Variants in NLGN4X observed in about 807,000 individuals in gnomAD.
The protein encoded by NLGN4X is neuroligin-4, X-linked.
A neutral mutation model predicts 40.3 loss-of-function variants in NLGN4X; 3 were observed. That is an observed-to-expected ratio of 0.07 (90% CI 0.03 to 0.19). The LOEUF is 0.19. NLGN4X is among the 10% of genes least tolerant of loss of function. NLGN4X has a pLI of 1.00. For missense variants in NLGN4X, 382 were observed against 708.3 expected, an observed-to-expected ratio of 0.54 and a Z score of 5.23; for synonymous variants, 270 against 306.8, an observed-to-expected ratio of 0.88 and a Z score of 1.25.
chrX:6,205,649 A>G (rs1923970155), intron 1 of NLGN4X, among the ~76,000 whole-genome samples: 1 of 112,127 alleles, frequency 8.9e-6, no homozygotes, highest in Non-Finnish European at 1.9e-5. Context: ...TGCAGTTCCT[A>G]TTTCCTGAGA....
At chrX:6,078,517 T>C (rs1410999025) in intron 2 of NLGN4X, among the ~76,000 whole-genome samples, 1 of 111,376 alleles carries the variant, frequency 9.0e-6, no homozygotes, top group Non-Finnish European at 1.9e-5. Context: ...GCCAGGTTGG[T>C]TGCACTGGGG....
intron 3 of NLGN4X, among the ~76,000 whole-genome samples, chrX:5,982,392 C>A (rs4483302): frequency 9.1e-6 from 1 of 110,292 alleles, no homozygotes; most frequent in African/African-American, 3.3e-5. Flanking sequence ...AATAAAGTCA[C>A]AATTCTTTGA....
intron 2 of NLGN4X, among the ~76,000 whole-genome samples, chrX:6,054,644 A>C (rs2037574640): frequency 9.0e-6 from 1 of 110,600 alleles, no homozygotes; most frequent in Non-Finnish European, 1.9e-5. Flanking sequence ...AAATAAAATC[A>C]ACAGTCAAAG....
At chrX:6,092,310 C>T (rs964610084) in intron 2 of NLGN4X, among the ~76,000 whole-genome samples, 1 of 112,221 alleles carries the variant, frequency 8.9e-6, no homozygotes, top group African/African-American at 3.2e-5. Flanking sequence ...TTATGTAACA[C>T]ACCCATAGTA....
chrX:6,020,951 C>G (rs2036513666), intron 3 of NLGN4X, among the ~76,000 whole-genome samples: 1 of 107,694 alleles, frequency 9.3e-6, no homozygotes, highest in South Asian at 4.3e-4. Flanking sequence ...AGCTGAGACA[C>G]CAGGCATACA....
At chrX:5,995,967 A>T (rs934148154) in intron 3 of NLGN4X, among the ~76,000 whole-genome samples, 5 of 111,796 alleles carry the variant, frequency 4.5e-5, no homozygotes, top group African/African-American at 9.7e-5. Flanking sequence ...TAAATATGAA[A>T]CCTAGAGCCC....
chrX:6,025,935 ATTT>A (rs1451247322), intron 3 of NLGN4X, among the ~76,000 whole-genome samples: 1 of 109,798 alleles, frequency 9.1e-6, no homozygotes, highest in Non-Finnish European at 1.9e-5. Context: ...GAAAAAAGTT[ATTT>A]TTTTATTGAC....
intron 3 of NLGN4X, among the ~76,000 whole-genome samples, chrX:5,966,348 G>T (rs780247103): frequency 2.7e-5 from 3 of 112,191 alleles, no homozygotes; most frequent in Non-Finnish European, 5.6e-5. Flanking sequence ...TAAACACTTA[G>T]TAAATTCATC....
intron 3 of NLGN4X, among the ~76,000 whole-genome samples, chrX:5,980,191 A>ATGTC (rs201557816): frequency 0.067 from 7,189 of 107,550 alleles, 610 homozygotes; most frequent in African/African-American, 0.23. Flanking sequence ...CTATACATAT[A>ATGTC]TGTCTAATAC....
At chrX:6,202,185 T>G (rs1395826144) in intron 1 of NLGN4X, among the ~76,000 whole-genome samples, 3 of 110,171 alleles carry the variant, frequency 2.7e-5, no homozygotes, top group Non-Finnish European at 5.7e-5. Flanking sequence ...GCTAGACAAC[T>G]GAGGGGATGC....
intron 3 of NLGN4X, among the ~76,000 whole-genome samples, chrX:5,951,744 T>C (rs1601940604): frequency 9.0e-6 from 1 of 110,843 alleles, no homozygotes; most frequent in African/African-American, 3.3e-5. Context: ...TTTATAATGG[T>C]AGGAATTCCA....
intron 2 of NLGN4X, among the ~76,000 whole-genome samples, chrX:6,046,084 A>G (rs1216149915): frequency 1.8e-5 from 2 of 112,025 alleles, no homozygotes; most frequent in Non-Finnish European, 3.8e-5. Context: ...TTCATGATAA[A>G]TGTTCTAGCA....
chrX:6,135,378 G>A (rs1391884583), intron 2 of NLGN4X, among the ~76,000 whole-genome samples: 12 of 111,728 alleles, frequency 1.1e-4, no homozygotes, highest in African/African-American at 3.9e-4. Flanking sequence ...CTTTTTAGCT[G>A]AAAAAAGGAA....
At chrX:6,221,240 G>A (rs950922325) in intron 1 of NLGN4X, among the ~76,000 whole-genome samples, 5 of 105,354 alleles carry the variant, frequency 4.7e-5, no homozygotes, top group Admixed American at 2.1e-4. Flanking sequence ...CATCAGGCCC[G>A]GCTAATTTGT....
intron 5 of NLGN4X, among the ~76,000 whole-genome samples, chrX:5,901,922 A>G (rs1251860626): frequency 2.8e-5 from 3 of 107,851 alleles, no homozygotes; most frequent in Non-Finnish European, 5.7e-5. Context: ...AGGAATATCT[A>G]TATTTTTATA....
intron 1 of NLGN4X, among the ~76,000 whole-genome samples, chrX:6,202,803 A>G (rs1332966825): frequency 8.9e-6 from 1 of 112,498 alleles, no homozygotes; most frequent in Non-Finnish European, 1.9e-5. Flanking sequence ...ATGTGTCTCC[A>G]AAGCATCTAA....
At position 6,124,250 on chromosome X, in the gene NLGN4X, T is replaced by C. The variant is rs191234798; in HGVS notation, c.472+26745A>G. ...AAGGTATATAAGTACATTTTATATA[T>C]ACATACTACATATATATAACATAGT... On this transcript the variant is annotated intron_variant, in intron 2 of 5. Transcript: ENST00000381095. Among the ~76,000 whole-genome samples the C allele has an allele frequency of 7.2e-5, 8 of 111,543 alleles. No individual in the cohort carries two copies. The East Asian group carries it at 2.3e-3, about 31-fold the overall frequency.
At position 6,116,963 on chromosome X, in the gene NLGN4X, T is replaced by C. The variant is rs2039316979; in HGVS notation, c.472+34032A>G. On this transcript the variant is annotated intron_variant, in intron 2 of 5. Coordinates refer to ENST00000381095, the MANE Select transcript of NLGN4X (RefSeq NM_181332.3). ...TGCCAGGTAGTAGATACGATTTTGG[T>C]TGATTGCTTTTGGTCCTGCTTTTTC... 2.7e-5 allele frequency among the ~76,000 whole-genome samples: 3 copies of C among 111,807 alleles called. No individual in the cohort carries two copies. The South Asian group carries it at 1.1e-3, about 42-fold the overall frequency.
At chrX:5,954,126 C>T (rs1360715328) in intron 3 of NLGN4X, among the ~76,000 whole-genome samples, 1 of 111,823 alleles carries the variant, frequency 8.9e-6, no homozygotes, top group Non-Finnish European at 1.9e-5. Flanking sequence ...CTATTTTCCC[C>T]TCAATTATCT....
Sources: gnomAD v4.1 joint callset for allele counts (sites outside exome capture counted in the v4.1 genomes callset) on GRCh38, gnomAD v4.1.1 for gene constraint, MANE v1.5 for transcripts, NCBI Gene and HGNC (gene_info 2026-07-23, HGNC 2026-07-21) for gene names.